IQCE: variants seen among roughly 807,000 people sequenced by gnomAD.
IQCE encodes the protein IQ domain-containing protein E.
A neutral mutation model predicts 96.0 loss-of-function variants in IQCE; 115 were observed. The ratio of observed to expected loss-of-function variants is 1.20; its 90% CI spans 1.03 to 1.40. The LOEUF is 1.40. IQCE is among the 40% of genes most tolerant of loss of function. The pLI, the probability that IQCE is intolerant of heterozygous loss-of-function variation, is 0.00. For missense variants in IQCE, 1,041 were observed against 909.1 expected (o/e 1.15, Z -1.87); for synonymous variants, 412 against 371.2 (o/e 1.11, Z -1.26).
At chr7:2,577,154 C>T (rs934543890) in intron 6 of IQCE, among the ~76,000 whole-genome samples, 2 of 152,232 alleles carry the variant, frequency 1.3e-5, no homozygotes, top group African/African-American at 2.4e-5. Context: ...AGCCACGCAG[C>T]TTTCCAAATC....
At position 2,573,419 on chromosome 7, in the gene IQCE, T is replaced by G; in HGVS notation, c.396T>G (p.Gly132=). 1 of 1,421,560 alleles carries G rather than the reference T, an allele frequency of 7.0e-7. No homozygotes were observed. Among genetic ancestry groups the G allele is most frequent in the Admixed American group, 1.7e-5 (1 of 58,602 alleles). 88.1% of individuals were successfully genotyped at this position (1,421,560 alleles called of 1,614,324 possible). Residue 132 remains glycine (G), a splice_region_variant and synonymous_variant, in exon 6 of 22, where the codon GGT becomes GGG. Transcript: ENST00000402050. The part of the protein sequence containing the change: ...RPHLRRSASN[G]HVPGTPVYRE... ...AACGATTTGTTTATGTTTCTCTAGG[T>G]CATGTCCCTGGGACTCCTGTCTACA...
intron 11 of IQCE, chr7:2,584,538 C>T (rs900042128): frequency 1.2e-5 from 6 of 490,054 alleles, no homozygotes; most frequent in East Asian, 3.4e-5. Flanking sequence ...ATAGATTCTA[C>T]ATCCTGCCTT....
chr7:2,569,893 C>T (rs1339169638), intron 3 of IQCE, among the ~76,000 whole-genome samples: 2 of 152,162 alleles, frequency 1.3e-5, no homozygotes, highest in African/African-American at 2.4e-5. Context: ...TCAATATAAA[C>T]ACTAGAAGGA....
At chr7:2,571,369 T>C (rs1781742286) in intron 3 of IQCE, 157 bp from the exon 4 acceptor site, 1 of 852,862 alleles carries the variant, frequency 1.2e-6, no homozygotes, top group African/African-American at 1.7e-5. Context: ...TGTCAGTATA[T>C]AGGTAAAGTA....
chr7:2,594,780 G>C (rs1783890828), intron 15 of IQCE, 106 bp from the exon 16 acceptor site: 1 of 784,866 alleles, frequency 1.3e-6, no homozygotes, highest in African/African-American at 1.7e-5. Flanking sequence ...CAGGCTGCCT[G>C]GTGTCCCCCT....
At chr7:2,575,389 G>T (rs1367047174) in intron 6 of IQCE, among the ~76,000 whole-genome samples, 1 of 152,242 alleles carries the variant, frequency 6.6e-6, no homozygotes, top group Non-Finnish European at 1.5e-5. Context: ...TGCCGCCCTA[G>T]CTAGGAGGGA....
intron 19 of IQCE, among the ~76,000 whole-genome samples, chr7:2,605,667 G>A (rs997087574): frequency 2.9e-5 from 4 of 138,530 alleles, no homozygotes; most frequent in African/African-American, 1.1e-4. Flanking sequence ...TAAATAAATA[G>A]ATAAATAAGA....
intron 18 of IQCE, 61 bp from the exon 19 acceptor site, chr7:2,604,820 C>G: frequency 8.1e-7 from 1 of 1,230,006 alleles, no homozygotes; most frequent in Non-Finnish European, 1.2e-6. Context: ...GCCTCCCTCT[C>G]GCCCGCCGTT....
chr7:2,581,740 C>T (rs1482195727), intron 8 of IQCE, among the ~76,000 whole-genome samples: 13 of 146,168 alleles, frequency 8.9e-5, no homozygotes, highest in South Asian at 4.3e-4. Flanking sequence ...GATGGAGTCT[C>T]GCTCTGTCAC....
At chr7:2,587,681 G>C in intron 12 of IQCE, 141 bp from the exon 13 acceptor site, 2 of 796,524 alleles carry the variant, frequency 2.5e-6, no homozygotes, top group Non-Finnish European at 4.3e-6. Context: ...TTCTCTGGTA[G>C]CCAGGACCTG....
In IQCE at chr7:2,570,652, GAT is replaced by G. The variant is rs1781693054; in HGVS notation, c.131-868_131-867del. 2.0e-5 allele frequency among the ~76,000 whole-genome samples: 3 copies of G among 152,112 alleles called. No individual in the cohort carries two copies. The South Asian group carries it at 6.2e-4, about 32-fold the overall frequency. On this transcript the variant is annotated intron_variant, in intron 3 of 21. Coordinates refer to ENST00000402050, the MANE Select transcript of IQCE (RefSeq NM_152558.5). Reference sequence around the variant, plus strand: ...TACTGACATACATTTTGCAATTTAAGATATATAAGAATGTTTTAAGAGTGCCT... The same window carrying G: ...TACTGACATACATTTTGCAATTTAAGATATAAGAATGTTTTAAGAGTGCCT...
At chr7:2,588,375 G>A (rs921625934) in intron 13 of IQCE, among the ~76,000 whole-genome samples, 5 of 150,062 alleles carry the variant, frequency 3.3e-5, no homozygotes, top group Non-Finnish European at 7.4e-5. Context: ...TTTTTTTTGA[G>A]ATGGAGTCTC....
intron 11 of IQCE, among the ~76,000 whole-genome samples, chr7:2,585,476 C>T (rs756556233): frequency 5.9e-5 from 9 of 152,246 alleles, no homozygotes; most frequent in Admixed American, 1.3e-4. Flanking sequence ...TTCTTGCACG[C>T]GCATAAGCGT....
At chr7:2,601,006 C>T (rs1043573800) in intron 17 of IQCE, among the ~76,000 whole-genome samples, 4 of 152,276 alleles carry the variant, frequency 2.6e-5, no homozygotes, top group Admixed American at 2.0e-4. Context: ...CCCTTCATAA[C>T]GTCCCCAGCA....
intron 18 of IQCE, among the ~76,000 whole-genome samples, chr7:2,604,417 C>G (rs1784645039): frequency 6.6e-6 from 1 of 152,176 alleles, no homozygotes; most frequent in Non-Finnish European, 1.5e-5. Context: ...AGCCACATAG[C>G]CTAAGAAAAT....
rs62439489 is a variant in IQCE at position 2,601,312 on chromosome 7, G to C, written c.1609-129G>C. On this transcript the variant is annotated intron_variant, in intron 17 of 21. Coordinates refer to ENST00000402050, the MANE Select transcript of IQCE (RefSeq NM_152558.5). Reference sequence around the variant, plus strand: ...TTTGCTGGGTCCCGGCAGCTCGGGAGGGAGGAGCCAGGGCAGCCAGGCCTC... The same window carrying C: ...TTTGCTGGGTCCCGGCAGCTCGGGACGGAGGAGCCAGGGCAGCCAGGCCTC... 9.6e-3 allele frequency: 6,617 copies of C among 686,966 alleles called. 50 individuals are homozygous for C. Among genetic ancestry groups the C allele is most frequent in the Non-Finnish European group, 0.014 (5,344 of 383,868 alleles). 42.6% of individuals were successfully genotyped at this position (686,966 alleles called of 1,614,324 possible). A position where few individuals can be genotyped will look rare whatever the true frequency, so the allele number is the denominator to read the frequency against.
rs537676879 is a variant in IQCE, at chr7:2,563,666, G to A, written c.37-3450G>A. 7.2e-5 allele frequency among the ~76,000 whole-genome samples: 11 copies of A among 152,014 alleles called. No homozygotes were observed. The South Asian group carries it at 1.0e-3, about 14-fold the overall frequency. On this transcript the variant is annotated intron_variant, in intron 1 of 21. Transcript: ENST00000402050. ...TTCACTCACTTTCGGAGGCCGAGGC[G>A]GGCGGATCACGAGGTCAGGAGATCG...
intron 6 of IQCE, among the ~76,000 whole-genome samples, chr7:2,577,533 C>G (rs112280022): frequency 2.6e-3 from 94 of 36,824 alleles, no homozygotes; most frequent in Middle Eastern, 0.025. Flanking sequence ...TGCGGCGTGC[C>G]CGCATTGGCG....
In IQCE at chr7:2,610,168, C is replaced by T. The variant is rs186126123; in HGVS notation, c.*6C>T. 203 of 1,513,302 alleles carry T rather than the reference C, an allele frequency of 1.3e-4. No homozygotes were observed. The African/African-American group carries it at 2.2e-3, about 16-fold the overall frequency. 93.7% of individuals were successfully genotyped at this position (1,513,302 alleles called of 1,614,324 possible). On this transcript the variant is annotated 3_prime_UTR_variant, in exon 22 of 22. Transcript: ENST00000402050. Reference sequence around the variant, plus strand: ...CGAAGAACTTTCCAGTTTAGGTCCCCGTCACTGTCTCCACGCCGTGATGGC... The same window carrying T: ...CGAAGAACTTTCCAGTTTAGGTCCCTGTCACTGTCTCCACGCCGTGATGGC...
Sources: gnomAD v4.1 joint callset for allele counts (sites outside exome capture counted in the v4.1 genomes callset) on GRCh38, gnomAD v4.1.1 for gene constraint, MANE v1.5 for transcripts, NCBI Gene and HGNC (gene_info 2026-07-23, HGNC 2026-07-21) for gene names.